Variants in TOX3 observed in about 807,000 individuals in gnomAD.
TOX3 encodes the protein TOX high mobility group box family member 3.
A neutral mutation model predicts 64.3 loss-of-function variants in TOX3; 22 were observed. The ratio of observed to expected loss-of-function variants is 0.34; its 90% CI spans 0.24 to 0.49. The LOEUF is 0.49. Among genes scored for constraint, TOX3 ranks in the 20% least tolerant of loss-of-function variants. The pLI, the probability that TOX3 is intolerant of heterozygous loss-of-function variation, is 0.99. For missense variants in TOX3, 661 were observed against 714.4 expected, an observed-to-expected ratio of 0.93 and a Z score of 0.85; for synonymous variants, 291 against 273.6, an observed-to-expected ratio of 1.06 and a Z score of -0.63.
intron 2 of TOX3, among the ~76,000 whole-genome samples, chr16:52,465,476 T>TG (rs200463357): frequency 4.1e-4 from 61 of 148,614 alleles, no homozygotes; most frequent in African/African-American, 1.3e-3. Context: ...TTTGGTTTTT[T>TG]TTTTTTTTTT....
chr16:52,445,633 G>A (rs1198299052), intron 5 of TOX3: 8 of 182,662 alleles, frequency 4.4e-5, no homozygotes. Context: ...TCAATGGAAA[G>A]GCAAGCAGGA....
chr16:52,534,326 T>G lies in TOX3; in HGVS notation c.87+12311A>C, dbSNP rs76242261. 5.3e-3 allele frequency among the ~76,000 whole-genome samples: 812 copies of G among 152,228 alleles called. 8 individuals are homozygous for G. The highest frequency in any genetic ancestry group is 0.018 in the African/African-American group (737 of 41,550). On this transcript the variant is annotated intron_variant, in intron 1 of 6. Transcript: ENST00000219746. ...GGCAAGCATAGCTGACAAGTCCTCA[T>G]AGTCAAGGTTACATACAAAGTCAAA...
intron 1 of TOX3, among the ~76,000 whole-genome samples, chr16:52,482,136 T>G (rs73586892): frequency 0.018 from 2,795 of 152,336 alleles, 96 homozygotes; most frequent in African/African-American, 0.062. Context: ...GTTGCTGGCT[T>G]TCATCTTGAA....
intron 1 of TOX3, among the ~76,000 whole-genome samples, chr16:52,531,195 A>T (rs1962845344): frequency 6.6e-6 from 1 of 152,228 alleles, no homozygotes; most frequent in Non-Finnish European, 1.5e-5. Context: ...TATTATAAAC[A>T]ATGGGTTTTG....
At chr16:52,505,803 C>A (rs1962145440) in intron 1 of TOX3, among the ~76,000 whole-genome samples, 1 of 151,928 alleles carries the variant, frequency 6.6e-6, no homozygotes, top group African/African-American at 2.4e-5. Context: ...ATAGGGAGAC[C>A]CCGTCCTACA....
chr16:52,475,448 G>C (rs571729080), intron 1 of TOX3: 35 of 152,246 alleles, frequency 2.3e-4, no homozygotes, highest in African/African-American at 8.2e-4. Flanking sequence ...TAACATTAAG[G>C]CTTCTGTGTT....
intron 1 of TOX3, among the ~76,000 whole-genome samples, chr16:52,481,856 G>A (rs1239529919): frequency 1.3e-5 from 2 of 152,134 alleles, no homozygotes; most frequent in Admixed American, 1.3e-4. Flanking sequence ...TTAGTTCTCT[G>A]TATTTTACCA....
rs1010355820 is a variant in TOX3, at chr16:52,438,463, T to C, written c.*762A>G. 3 of 152,640 alleles carry C rather than the reference T, an allele frequency of 2.0e-5. No individual in the cohort carries two copies. Among genetic ancestry groups the C allele is most frequent in the African/African-American group, 7.2e-5 (3 of 41,478 alleles). 9.5% of individuals were successfully genotyped at this position (152,640 alleles called of 1,614,324 possible). On this transcript the variant is annotated 3_prime_UTR_variant, in exon 7 of 7. Transcript: ENST00000219746. Reference sequence around the variant, plus strand: ...TTTCCCTTTTAAAAATACAGTGTTTTTATTTTTCGAAACTTGTCACTCAAA... The same window carrying C: ...TTTCCCTTTTAAAAATACAGTGTTTCTATTTTTCGAAACTTGTCACTCAAA...
chr16:52,501,602 G>T (rs1239826845), intron 1 of TOX3, among the ~76,000 whole-genome samples: 1 of 151,872 alleles, frequency 6.6e-6, no homozygotes, highest in East Asian at 1.9e-4. Context: ...GGAGGTTTCA[G>T]TGAGTCGACA....
In TOX3 at chr16:52,460,355, G is replaced by A. The variant is rs903777309; in HGVS notation, c.408+3579C>T. 8.5e-5 allele frequency among the ~76,000 whole-genome samples: 13 copies of A among 152,200 alleles called. 1 individual carries two copies. In the South Asian group the frequency reaches 1.9e-3, roughly 22 times the overall value. On this transcript the variant is annotated intron_variant, in intron 3 of 6. Transcript: ENST00000219746. Reference sequence around the variant, plus strand: ...CTTTTGGGGGGCATACAAAATATCAGACCAGAGACAATTATTTTACTGTCT... The same window carrying A: ...CTTTTGGGGGGCATACAAAATATCAAACCAGAGACAATTATTTTACTGTCT...
intron 3 of TOX3, 84 bp from the exon 4 acceptor site, chr16:52,450,630 G>A (rs1201396447): frequency 6.5e-7 from 1 of 1,546,046 alleles, no homozygotes; most frequent in Non-Finnish European, 8.8e-7. Flanking sequence ...TCCTTAGATA[G>A]GTTTGAACTG....
At position 52,439,000 on chromosome 16, in the gene TOX3, CA is replaced by C. The variant is rs755630440; in HGVS notation, c.*224del. On this transcript the variant is annotated 3_prime_UTR_variant, in exon 7 of 7. Transcript: ENST00000219746. ...ATAAAAAAGGCATCACATAAAAGAGCACAGCTTTTCTTGTTTAAAAACAAAG... is the reference window on the plus strand; with the variant it reads ...ATAAAAAAGGCATCACATAAAAGAGCCAGCTTTTCTTGTTTAAAAACAAAG... 5.5e-6 allele frequency: 4 copies of C among 730,036 alleles called. No individual in the cohort carries two copies. The East Asian group carries it at 1.1e-4, about 20-fold the overall frequency. The allele number at this position is 730,036 out of a possible 1,614,324, so 45.2% of individuals were successfully genotyped here. A position where few individuals can be genotyped will look rare whatever the true frequency, so the allele number is the denominator to read the frequency against.
intron 1 of TOX3, among the ~76,000 whole-genome samples, chr16:52,513,318 A>G (rs930563006): frequency 2.6e-5 from 4 of 152,198 alleles, no homozygotes; most frequent in African/African-American, 4.8e-5. Context: ...ATAACTGGAG[A>G]TGTATGGTAT....
At chr16:52,457,736 G>C (rs1045962802) in intron 3 of TOX3, among the ~76,000 whole-genome samples, 6 of 152,002 alleles carry the variant, frequency 3.9e-5, no homozygotes, top group Non-Finnish European at 5.9e-5. Flanking sequence ...TACTACTTTT[G>C]TAACTCCAAT....
chr16:52,467,929 C>A (rs1324818854), intron 2 of TOX3, among the ~76,000 whole-genome samples: 1 of 152,140 alleles, frequency 6.6e-6, no homozygotes, highest in Non-Finnish European at 1.5e-5. Flanking sequence ...AGCATGCCAG[C>A]CACTCATTCA....
At chr16:52,546,098 G>C (rs1348816863) in intron 1 of TOX3, among the ~76,000 whole-genome samples, 1 of 152,078 alleles carries the variant, frequency 6.6e-6, no homozygotes, top group African/African-American at 2.4e-5. Context: ...AAGGCCACCT[G>C]CGGGGTCCCA....
At chr16:52,529,213 T>C (rs565098035) in intron 1 of TOX3, among the ~76,000 whole-genome samples, 1 of 152,368 alleles carries the variant, frequency 6.6e-6, no homozygotes, top group African/African-American at 2.4e-5. Context: ...CAGTAGATTC[T>C]ATAATTCTAG....
At chr16:52,535,917 T>C (rs1030202558) in intron 1 of TOX3, among the ~76,000 whole-genome samples, 1 of 152,240 alleles carries the variant, frequency 6.6e-6, no homozygotes, top group African/African-American at 2.4e-5. Flanking sequence ...ATCACAACTG[T>C]AGTCCAACTC....
chr16:52,444,617 C>G (rs1346732020), intron 5 of TOX3: 7 of 336,504 alleles, frequency 2.1e-5, no homozygotes, highest in Non-Finnish European at 3.2e-5. Context: ...AAAAAGATTT[C>G]TGGATGCAAT....
Sources: allele counts gnomAD v4.1 joint callset (sites outside exome capture counted in the v4.1 genomes callset), GRCh38; gene constraint gnomAD v4.1.1; transcripts MANE v1.5; gene names NCBI Gene and HGNC (gene_info 2026-07-23, HGNC 2026-07-21).